Variants in CTNNA2 observed in about 807,000 individuals in gnomAD.
The protein encoded by CTNNA2 is catenin alpha 2.
In CTNNA2, 42 loss-of-function variants were observed where a neutral mutation model predicts 101.0. The observed-to-expected ratio is 0.42, with a 90% confidence interval of 0.32 to 0.54. The LOEUF (loss-of-function observed/expected upper bound fraction) is 0.54, where lower values mean the gene tolerates loss of function less well. Among genes scored for constraint, CTNNA2 ranks in the 20% least tolerant of loss-of-function variants. CTNNA2 has a pLI of 0.14. For missense variants in CTNNA2, 871 were observed against 1,223.1 expected (o/e 0.71, Z 4.29); for synonymous variants, 450 against 456.4 (o/e 0.99, Z 0.18).
intron 12 of CTNNA2, among the ~76,000 whole-genome samples, chr2:80,561,144 A>G (rs1284295635): frequency 2.6e-5 from 4 of 152,060 alleles, no homozygotes; most frequent in African/African-American, 7.2e-5. Flanking sequence ...TGGCTGGAAT[A>G]TGGGGGACTG....
chr2:80,343,584 T>C (rs761430522), intron 7 of CTNNA2, among the ~76,000 whole-genome samples: 9 of 152,178 alleles, frequency 5.9e-5, no homozygotes, highest in South Asian at 2.1e-4. Flanking sequence ...ACCATTTCTT[T>C]GATCGTCTTG....
chr2:80,488,218 A>G (rs1686753882), intron 9 of CTNNA2, among the ~76,000 whole-genome samples: 3 of 152,212 alleles, frequency 2.0e-5, no homozygotes, highest in African/African-American at 7.2e-5. Context: ...ACAGCGCAGG[A>G]TTATAAATTG....
intron 4 of CTNNA2, among the ~76,000 whole-genome samples, chr2:79,493,387 G>A (rs914617186): frequency 6.6e-6 from 1 of 152,286 alleles, no homozygotes; most frequent in African/African-American, 2.4e-5. Flanking sequence ...GAAGGCTGAG[G>A]CAGGTGGATC....
intron 7 of CTNNA2, among the ~76,000 whole-genome samples, chr2:80,325,737 A>G (rs1449564023): frequency 6.6e-6 from 1 of 152,206 alleles, no homozygotes; most frequent in Non-Finnish European, 1.5e-5. Context: ...TTTAGCTTGA[A>G]TATTCATGTT....
intron 3 of CTNNA2, among the ~76,000 whole-genome samples, chr2:79,760,232 G>A (rs1295256328): frequency 6.6e-6 from 1 of 152,096 alleles, no homozygotes; most frequent in African/African-American, 2.4e-5. Flanking sequence ...CATTTGCTCA[G>A]AAAGGCCTTT....
intron 4 of CTNNA2, among the ~76,000 whole-genome samples, chr2:79,485,589 A>G (rs1331766760): frequency 6.6e-6 from 1 of 152,218 alleles, no homozygotes; most frequent in East Asian, 1.9e-4. Flanking sequence ...GGAAAGAAGC[A>G]CAAAGCATCC....
At position 80,555,682 on chromosome 2, in the gene CTNNA2, C is replaced by T. The variant is rs1334704548; in HGVS notation, c.1541-11C>T. Reference sequence around the variant, plus strand: ...TAAAGTCATCTAAATGTGTATGTGTCCTCTCCATAGAAAATCACATCTTGG... The same window carrying T: ...TAAAGTCATCTAAATGTGTATGTGTTCTCTCCATAGAAAATCACATCTTGG... On this transcript the variant is annotated splice_polypyrimidine_tract_variant and intron_variant, in intron 11 of 18. Coordinates refer to ENST00000402739, the MANE Select transcript of CTNNA2 (RefSeq NM_001282597.3). 1.4e-6 allele frequency: 2 copies of T among 1,468,322 alleles called. No homozygotes were observed. Among genetic ancestry groups the T allele is most frequent in the Admixed American group, 2.4e-5 (1 of 42,440 alleles). The allele number at this position is 1,468,322 out of a possible 1,614,324, so 91.0% of individuals were successfully genotyped here.
Position 79,641,848 on chromosome 2 carries a change from A to T in CTNNA2, c.-5-9704A>T, listed in dbSNP as rs568998641. ...TGGCTTTCTATTAGCATACTCCAGGAGTGGTGAATTTCTATAAAATTGGCA... is the reference window on the plus strand; with the variant it reads ...TGGCTTTCTATTAGCATACTCCAGGTGTGGTGAATTTCTATAAAATTGGCA... On this transcript the variant is annotated intron_variant, in intron 1 of 18. Transcript: ENST00000402739. 7.9e-4 allele frequency among the ~76,000 whole-genome samples: 120 copies of T among 152,342 alleles called. No individual in the cohort carries two copies. In the East Asian group the frequency reaches 0.023, roughly 29 times the overall value.
intron 9 of CTNNA2, among the ~76,000 whole-genome samples, chr2:80,543,506 A>G (rs1691763863): frequency 6.6e-6 from 1 of 152,176 alleles, no homozygotes; most frequent in African/African-American, 2.4e-5. Flanking sequence ...AATAGCTATA[A>G]TGCATCCTCT....
At chr2:80,081,698 A>C (rs565487478) in intron 7 of CTNNA2, among the ~76,000 whole-genome samples, 16 of 149,692 alleles carry the variant, frequency 1.1e-4, no homozygotes, top group Non-Finnish European at 1.5e-5. Flanking sequence ...TTTTTTCTCT[A>C]TTTTCCATCC....
intron 6 of CTNNA2, among the ~76,000 whole-genome samples, chr2:79,886,787 G>A (rs887654575): frequency 1.4e-4 from 20 of 141,874 alleles, no homozygotes; most frequent in Admixed American, 6.7e-4. Flanking sequence ...GAAGGAAATG[G>A]CATGGTCAGA....
intron 7 of CTNNA2, among the ~76,000 whole-genome samples, chr2:80,343,556 A>G (rs1013630739): frequency 1.4e-4 from 21 of 152,190 alleles, no homozygotes; most frequent in Admixed American, 3.3e-4. Flanking sequence ...ATCGACTGCC[A>G]AGAAATGTAT....
Position 80,560,183 on chromosome 2 carries a change from A to G in CTNNA2, c.1741+4290A>G, listed in dbSNP as rs192121186. 5.3e-5 allele frequency among the ~76,000 whole-genome samples: 8 copies of G among 152,230 alleles called. No homozygotes were observed. The East Asian group carries it at 1.4e-3, about 26-fold the overall frequency. ...GGGCCAAGCAGATGGTATAATTTTT[A>G]CTTCCATGCTCTATAACCTAAAGTT... On this transcript the variant is annotated intron_variant, in intron 12 of 18. Transcript: ENST00000402739.
At chr2:80,062,083 A>G (rs1542646) in intron 7 of CTNNA2, among the ~76,000 whole-genome samples, 87,963 of 152,150 alleles carry the variant, frequency 0.58, 27,968 homozygotes, top group African/African-American at 0.85. Context: ...TGACATTGCC[A>G]CTGTAGCTTT....
rs187170466 is a variant in CTNNA2, at chr2:79,372,804, G to A, written c.-317-1027G>A. Among the ~76,000 whole-genome samples the A allele has an allele frequency of 2.2e-3, 342 of 152,276 alleles. 1 individual carries two copies. Among genetic ancestry groups the A allele is most frequent in the African/African-American group, 7.8e-3 (324 of 41,548 alleles). ...ATTGATTATACCCAAAGGCTATAAG[G>A]CAATTGAACGTTAATTGGCAGAGGC... On this transcript the variant is annotated intron_variant, in intron 3 of 21. Transcript: ENST00000466387.
At chr2:79,459,425 G>C (rs1444743852) in intron 4 of CTNNA2, among the ~76,000 whole-genome samples, 1 of 151,858 alleles carries the variant, frequency 6.6e-6, no homozygotes, top group Admixed American at 6.6e-5. Context: ...GAAACATCAG[G>C]ATATATCCAT....
chr2:79,238,557 G>A (rs1380246674), intron 2 of CTNNA2, among the ~76,000 whole-genome samples: 2 of 152,206 alleles, frequency 1.3e-5, no homozygotes, highest in African/African-American at 2.4e-5. Flanking sequence ...ATTAAAAAAA[G>A]TGAAGTACAA....
At position 80,124,760 on chromosome 2, in the gene CTNNA2, C is replaced by T. The variant is rs112105810; in HGVS notation, c.1056+214963C>T. Among the ~76,000 whole-genome samples the T allele has an allele frequency of 6.1e-3, 936 of 152,280 alleles. 7 individuals carry two copies. The highest frequency in any genetic ancestry group is 0.024 in the Middle Eastern group (7 of 292). ...TCCCAGGGGTTGAGCGAGGTTACCC[C>T]TCCCCTTCCTCTTCCTCTGAATAAA... On this transcript the variant is annotated intron_variant, in intron 7 of 18. Transcript: ENST00000402739.
chr2:80,154,294 T>A (rs1703876038), intron 7 of CTNNA2, among the ~76,000 whole-genome samples: 1 of 152,094 alleles, frequency 6.6e-6, no homozygotes, highest in African/African-American at 2.4e-5. Context: ...GGCCTCTAGC[T>A]ATTGGAAAGG....
Sources: gnomAD v4.1 joint callset for allele counts (sites outside exome capture counted in the v4.1 genomes callset) on GRCh38, gnomAD v4.1.1 for gene constraint, MANE v1.5 for transcripts, NCBI Gene and HGNC (gene_info 2026-07-23, HGNC 2026-07-21) for gene names.